The following WDR59 variants were observed in gnomAD, a reference collection of about 807,000 sequenced individuals.
WDR59 encodes the protein GATOR2 complex protein WDR59.
WDR59 carries 100 observed loss-of-function variants against 131.2 expected under a neutral mutation model. That is an observed-to-expected ratio of 0.76 (90% CI 0.65 to 0.90). The LOEUF (loss-of-function observed/expected upper bound fraction) is 0.90, where lower values mean the gene tolerates loss of function less well. Among genes scored for constraint, WDR59 ranks in the 40% least tolerant of loss-of-function variants. The probability of loss-of-function intolerance (pLI) is 0.00; values close to 1 mark genes in which losing one functional copy is unlikely to be tolerated. For synonymous variants in WDR59, 601 were observed against 466.2 expected (o/e 1.29, Z -3.72); for missense variants, 1,203 against 1,262.2 (o/e 0.95, Z 0.71).
intron 17 of WDR59, 44 bp from the exon 18 acceptor site, chr16:74,904,144 T>G (rs1286186879): frequency 6.3e-7 from 1 of 1,586,790 alleles, no homozygotes; most frequent in South Asian, 1.1e-5. Flanking sequence ...TGCAGTCCTG[T>G]CATATTTCCA....
intron 18 of WDR59, among the ~76,000 whole-genome samples, chr16:74,895,946 C>G (rs921702486): frequency 2.6e-5 from 4 of 152,094 alleles, no homozygotes; most frequent in African/African-American, 9.7e-5. Flanking sequence ...AGGGGCTTAA[C>G]GAGAACAGGG....
chr16:74,915,159 A>C (rs1284230160), intron 13 of WDR59, among the ~76,000 whole-genome samples: 2 of 152,222 alleles, frequency 1.3e-5, no homozygotes, highest in African/African-American at 4.8e-5. Context: ...AGCACAGCAC[A>C]GCACAGCACA....
At chr16:74,962,950 TA>T (rs2145186265) in intron 2 of WDR59, 2 of 151,588 alleles carry the variant, frequency 1.3e-5, no homozygotes, top group African/African-American at 4.8e-5. Flanking sequence ...CAGAGGAATC[TA>T]AATTACTCTA....
rs143679063 is a variant in WDR59, at chr16:74,880,262, A to G, written c.2689+5391T>C. 2.5e-3 allele frequency among the ~76,000 whole-genome samples: 375 copies of G among 152,198 alleles called. 2 individuals carry two copies. Among genetic ancestry groups the G allele is most frequent in the African/African-American group, 7.4e-3 (307 of 41,544 alleles). ...GGAGATCGAGACCATCCTGGCTAAC[A>G]TGGTGAAACCCCATCTCTACTAAAA... On this transcript the variant is annotated intron_variant, in intron 25 of 25. Transcript: ENST00000262144.
intron 11 of WDR59, among the ~76,000 whole-genome samples, chr16:74,916,609 A>G (rs1231963086): frequency 2.0e-5 from 3 of 152,220 alleles, no homozygotes; most frequent in African/African-American, 7.2e-5. Flanking sequence ...CTGTAATCCC[A>G]GCACTTTGGG....
chr16:74,939,485 C>T (rs2032056965), intron 7 of WDR59, among the ~76,000 whole-genome samples: 1 of 150,762 alleles, frequency 6.6e-6, no homozygotes, highest in South Asian at 2.1e-4. Context: ...TGCATCTGTT[C>T]TAATGTTAAA....
At chr16:74,935,221 C>T (rs2031703941) in intron 8 of WDR59, among the ~76,000 whole-genome samples, 1 of 151,428 alleles carries the variant, frequency 6.6e-6, no homozygotes, top group African/African-American at 2.4e-5. Context: ...CAGAGCAAGA[C>T]TCTGTCTCAA....
At chr16:74,907,546 T>C (rs926372759) in intron 17 of WDR59, among the ~76,000 whole-genome samples, 4 of 152,226 alleles carry the variant, frequency 2.6e-5, no homozygotes, top group African/African-American at 9.6e-5. Flanking sequence ...CCATGTGGAA[T>C]TGTGAGTCAA....
intron 2 of WDR59, among the ~76,000 whole-genome samples, chr16:74,964,892 G>A (rs1415232086): frequency 6.6e-6 from 1 of 151,970 alleles, no homozygotes; most frequent in Admixed American, 6.6e-5. Flanking sequence ...GTGAAACCCT[G>A]TCTCTGCTAA....
intron 10 of WDR59, 82 bp downstream of exon 10, chr16:74,921,865 A>C: frequency 6.7e-7 from 1 of 1,501,714 alleles, no homozygotes; most frequent in East Asian, 2.4e-5. Flanking sequence ...TGTCTTCTTT[A>C]CTGGACTCCA....
intron 2 of WDR59, among the ~76,000 whole-genome samples, chr16:74,959,933 T>TAAGA (rs2033479893): frequency 6.6e-6 from 1 of 151,516 alleles, no homozygotes; most frequent in African/African-American, 2.4e-5. Context: ...TTCCAAGAGT[T>TAAGA]AAGAGACAAT....
At chr16:74,885,091 A>C (rs975710704) in intron 25 of WDR59, among the ~76,000 whole-genome samples, 26 of 152,218 alleles carry the variant, frequency 1.7e-4, no homozygotes, top group African/African-American at 6.3e-4. Context: ...CAGTGGAATA[A>C]ATGAAGAAAT....
At chr16:74,928,267 A>G (rs2031050416) in intron 8 of WDR59, among the ~76,000 whole-genome samples, 1 of 145,884 alleles carries the variant, frequency 6.9e-6, no homozygotes, top group Admixed American at 6.9e-5. Flanking sequence ...AGGCTGAAGT[A>G]TAGTGACAGG....
intron 7 of WDR59, among the ~76,000 whole-genome samples, chr16:74,938,519 G>C (rs1217808107): frequency 1.3e-5 from 2 of 152,094 alleles, no homozygotes; most frequent in Non-Finnish European, 2.9e-5. Flanking sequence ...AAGGATACAA[G>C]GTAGTAGGTG....
intron 2 of WDR59, among the ~76,000 whole-genome samples, chr16:74,957,309 G>A (rs889519430): frequency 3.3e-5 from 5 of 152,000 alleles, no homozygotes; most frequent in Non-Finnish European, 7.4e-5. Context: ...TCGAACTGCT[G>A]ACCTCGGGTG....
At position 74,889,788 on chromosome 16, in the gene WDR59, C is replaced by T; in HGVS notation, c.2110G>A (p.Asp704Asn). 6.2e-7 allele frequency: 1 copy of T among 1,614,150 alleles called. No homozygotes were observed. The highest frequency in any genetic ancestry group is 8.5e-7 in the Non-Finnish European group (1 of 1,180,002). Residue 704 changes from aspartate (D) to asparagine (N), a missense_variant, in exon 21 of 26, where the codon GAT (aspartate) becomes AAT (asparagine). Asp to Asn is a conservative substitution (Grantham distance 23). Transcript: ENST00000262144. The part of the protein sequence containing the change: ...QVWSLATVAT[D>N]LCLGPKSDPD... The stretch of plus-strand genomic sequence containing the variant: ...TCAGATTTCGGACCAAGGCAAAGAT[C>T]TGTAGCTACCGTAGCCAGCGACCAA...
rs1964070394 is a variant in WDR59 at position 74,873,817 on chromosome 16, T to G, written c.*392A>C. ...AATTCCTACCCACTGTCCTCGGGCA[T>G]CTGACTCTGGTCTCTGCACTGGCAT... On this transcript the variant is annotated 3_prime_UTR_variant, in exon 26 of 26. Transcript: ENST00000262144. 1 of 181,080 alleles carries G rather than the reference T, an allele frequency of 5.5e-6. No individual in the cohort carries two copies. Among genetic ancestry groups the G allele is most frequent in the Non-Finnish European group, 1.2e-5 (1 of 86,574 alleles). The allele number at this position is 181,080 out of a possible 1,614,324, so 11.2% of individuals were successfully genotyped here. A position where few individuals can be genotyped will look rare whatever the true frequency, so the allele number is the denominator to read the frequency against.
At chr16:74,904,310 A>G in intron 17 of WDR59, 1 of 552,030 alleles carries the variant, frequency 1.8e-6, no homozygotes, top group Admixed American at 3.5e-5. Context: ...AAAAAATTCA[A>G]AGGAATCTAC....
chr16:74,900,769 G>C (rs1260496955), intron 18 of WDR59, among the ~76,000 whole-genome samples: 2 of 152,232 alleles, frequency 1.3e-5, no homozygotes, highest in Non-Finnish European at 2.9e-5. Flanking sequence ...AAAGCCACAA[G>C]AGAAACAAAC....
Sources: gnomAD v4.1 joint callset for allele counts (sites outside exome capture counted in the v4.1 genomes callset) on GRCh38, gnomAD v4.1.1 for gene constraint, MANE v1.5 for transcripts, NCBI Gene and HGNC (gene_info 2026-07-23, HGNC 2026-07-21) for gene names.